Variants in TAF4 observed in about 807,000 individuals in gnomAD.
The protein encoded by TAF4 is TATA-box binding protein associated factor 4.
Under a neutral mutation model 90.3 loss-of-function variants are expected in TAF4, and 9 were observed. The observed-to-expected ratio is 0.10, with a 90% confidence interval of 0.06 to 0.17. TAF4 has a LOEUF of 0.17. Among genes scored for constraint, TAF4 ranks in the 10% least tolerant of loss-of-function variants. The probability of loss-of-function intolerance (pLI) is 1.00; values close to 1 mark genes in which losing one functional copy is unlikely to be tolerated. For synonymous variants in TAF4, 818 were observed against 638.9 expected, an observed-to-expected ratio of 1.28 and a Z score of -4.23; for missense variants, 1,351 against 1,370.7, an observed-to-expected ratio of 0.99 and a Z score of 0.23.
At chr20:61,999,141 A>C (rs1279951508) in intron 11 of TAF4, 33 bp from the exon 12 acceptor site, 2 of 1,610,136 alleles carry the variant, frequency 1.2e-6, no homozygotes, top group African/African-American at 1.3e-5. Flanking sequence ...GCTTGTCATA[A>C]ATCTGAGAGC....
chr20:62,014,966 G>A (rs925289124), intron 1 of TAF4, among the ~76,000 whole-genome samples: 1 of 152,202 alleles, frequency 6.6e-6, no homozygotes, highest in Non-Finnish European at 1.5e-5. Context: ...TGGACAGCAA[G>A]GCAGTGTAGC....
chr20:62,064,712 C>A lies in TAF4; in HGVS notation c.1099G>T (p.Ala367Ser), dbSNP rs1349249711. 1 of 1,234,942 alleles carries A rather than the reference C, an allele frequency of 8.1e-7. No homozygotes were observed. The highest frequency in any genetic ancestry group is 1.0e-6 in the Non-Finnish European group (1 of 991,894). 76.5% of individuals were successfully genotyped at this position (1,234,942 alleles called of 1,614,324 possible). Residue 367 changes from alanine to serine, a missense_variant, in exon 1 of 15, where the codon GCC (alanine) becomes TCC (serine). This residue lies in a region of TAF4 where 782 missense variants were observed against 536.6 expected (regional missense o/e 1.46). Coordinates refer to ENST00000252996, the MANE Select transcript of TAF4 (RefSeq NM_003185.4). The part of the protein sequence containing the change: ...AAQTLAASGP[A>S]STAASMVIGP... ...ATGACCATGCTGGCCGCCGTGCTGG[C>A]CGGGCCGCTGGCCGCCAGGGTCTGC...
chr20:62,043,955 G>A (rs1447279540), intron 1 of TAF4, among the ~76,000 whole-genome samples: 1 of 152,204 alleles, frequency 6.6e-6, no homozygotes, highest in African/African-American at 2.4e-5. Flanking sequence ...CACAGAGGCA[G>A]GGCCCGTTAG....
chr20:62,032,552 G>A (rs539895550), intron 1 of TAF4, among the ~76,000 whole-genome samples: 5 of 152,326 alleles, frequency 3.3e-5, no homozygotes, highest in Admixed American at 6.5e-5. Context: ...CAGGGCCTCG[G>A]CTCTCAGCAC....
At chr20:62,023,773 AAG>A (rs2055858589) in intron 1 of TAF4, among the ~76,000 whole-genome samples, 2 of 147,662 alleles carry the variant, frequency 1.4e-5, no homozygotes, top group African/African-American at 2.5e-5. Flanking sequence ...AAAAAAAAGA[AAG>A]AAAGAAAGAA....
intron 5 of TAF4, among the ~76,000 whole-genome samples, chr20:62,008,540 C>T (rs867315504): frequency 1.7e-4 from 3 of 18,016 alleles, no homozygotes; most frequent in Non-Finnish European, 2.1e-4. Flanking sequence ...ACAGAGGTTT[C>T]GGGAGGGGTG....
intron 13 of TAF4, 120 bp from the exon 14 acceptor site, chr20:61,997,789 G>T: frequency 7.7e-7 from 1 of 1,298,942 alleles, no homozygotes; most frequent in Non-Finnish European, 1.0e-6. Flanking sequence ...CTTCTTTAAT[G>T]TTTTGACTTT....
rs146436016 is a variant in TAF4, at chr20:62,042,689, G to C, written c.1360+21762C>G. On this transcript the variant is annotated intron_variant, in intron 1 of 14. Coordinates refer to ENST00000252996, the MANE Select transcript of TAF4 (RefSeq NM_003185.4). ...CCAGAGCGGGTCAGGGAACTCTCCTGTTTCAATGATAATTAGCAACAATGT... is the reference window on the plus strand; with the variant it reads ...CCAGAGCGGGTCAGGGAACTCTCCTCTTTCAATGATAATTAGCAACAATGT... Among the ~76,000 whole-genome samples, 183 of 152,312 alleles carry C rather than the reference G, an allele frequency of 1.2e-3. 1 individual carries two copies. The highest frequency in any genetic ancestry group is 8.7e-3 in the East Asian group (45 of 5,188).
intron 1 of TAF4, among the ~76,000 whole-genome samples, chr20:62,036,746 C>T (rs368592795): frequency 1.3e-5 from 2 of 152,350 alleles, no homozygotes; most frequent in South Asian, 2.1e-4. Flanking sequence ...AATAAACATC[C>T]ACTCACGACA....
intron 14 of TAF4, among the ~76,000 whole-genome samples, chr20:61,990,545 G>C (rs1434812941): frequency 6.6e-6 from 1 of 152,154 alleles, no homozygotes; most frequent in Non-Finnish European, 1.5e-5. Flanking sequence ...ACCCCGACGG[G>C]CCTGGACCCA....
chr20:62,023,233 G>A (rs2055853757), intron 1 of TAF4, among the ~76,000 whole-genome samples: 1 of 152,242 alleles, frequency 6.6e-6, no homozygotes, highest in East Asian at 1.9e-4. Flanking sequence ...TTTGAGCCCA[G>A]GAGTTCGAGA....
At chr20:62,036,912 T>C (rs1308123502) in intron 1 of TAF4, among the ~76,000 whole-genome samples, 1 of 152,218 alleles carries the variant, frequency 6.6e-6, no homozygotes, top group African/African-American at 2.4e-5. Flanking sequence ...TGAAAGAGCC[T>C]GTCCCACAGC....
intron 3 of TAF4, among the ~76,000 whole-genome samples, chr20:62,011,487 G>C (rs997630855): frequency 6.6e-6 from 1 of 152,138 alleles, no homozygotes; most frequent in Non-Finnish European, 1.5e-5. Context: ...AAATCCAGAC[G>C]CACCAATCAG....
intron 1 of TAF4, among the ~76,000 whole-genome samples, chr20:62,052,454 C>A (rs1007393442): frequency 6.6e-6 from 1 of 152,092 alleles, no homozygotes; most frequent in African/African-American, 2.4e-5. Flanking sequence ...TGGAACCAGC[C>A]GCCTCCAGTC....
At chr20:62,044,418 A>C (rs2055981434) in intron 1 of TAF4, among the ~76,000 whole-genome samples, 1 of 152,262 alleles carries the variant, frequency 6.6e-6, no homozygotes. Context: ...CAAAATACAA[A>C]ATGAAACAAA....
intron 14 of TAF4, among the ~76,000 whole-genome samples, chr20:61,994,016 G>T (rs1023968502): frequency 6.6e-6 from 1 of 152,022 alleles, no homozygotes; most frequent in African/African-American, 2.4e-5. Context: ...CTCCCAAAGT[G>T]CTGGGATTAC....
intron 1 of TAF4, among the ~76,000 whole-genome samples, chr20:62,020,528 T>G (rs903735501): frequency 6.6e-6 from 1 of 152,218 alleles, no homozygotes; most frequent in African/African-American, 2.4e-5. Context: ...TTCCCCAGCC[T>G]TTCTGGGTGT....
rs1423661399 is a variant in TAF4 at position 61,975,853 on chromosome 20, T to G, written c.*315A>C. 8 of 321,922 alleles carry G rather than the reference T, an allele frequency of 2.5e-5. No individual in the cohort carries two copies. Among genetic ancestry groups the G allele is most frequent in the Non-Finnish European group, 4.6e-5 (8 of 173,686 alleles). The allele number at this position is 321,922 out of a possible 1,614,324, so 19.9% of individuals were successfully genotyped here. On this transcript the variant is annotated 3_prime_UTR_variant, in exon 15 of 15. Transcript: ENST00000252996. ...CAAAATGCACAAATAATGCAGAAACTGCTATGAGTTGACAGAGGGCAGCTA... is the reference window on the plus strand; with the variant it reads ...CAAAATGCACAAATAATGCAGAAACGGCTATGAGTTGACAGAGGGCAGCTA...
chr20:62,010,208 C>T lies in TAF4; in HGVS notation c.1642-43G>A. On this transcript the variant is annotated intron_variant, in intron 3 of 14. Coordinates refer to ENST00000252996, the MANE Select transcript of TAF4 (RefSeq NM_003185.4). This position sits in a 1 kb window ranked among gnomAD's most constrained non-coding sequence, Gnocchi z 4.5. The stretch of plus-strand genomic sequence containing the variant: ...CACAAGGTAAGGGCATCTCACGCCA[C>T]CAGCTGACGAGGGGGAGACCAGCCT... The T allele has an allele frequency of 6.2e-7, 1 of 1,612,486 alleles. No homozygotes were observed. The highest frequency in any genetic ancestry group is 8.5e-7 in the Non-Finnish European group (1 of 1,179,730).
Sources: allele counts gnomAD v4.1 joint callset (sites outside exome capture counted in the v4.1 genomes callset), GRCh38; gene constraint gnomAD v4.1.1; regional missense constraint gnomAD v4.1.1; non-coding constraint Gnocchi (gnomAD v3.1); transcripts MANE v1.5; gene names NCBI Gene and HGNC (gene_info 2026-07-23, HGNC 2026-07-21).